Variants in FANCA observed in about 807,000 individuals in gnomAD.
FANCA encodes FA complementation group A, also known as Fanconi anemia group A protein.
A neutral mutation model predicts 194.3 loss-of-function variants in FANCA; 236 were observed. The observed-to-expected ratio is 1.21, with a 90% CI of 1.09 to 1.35. The LOEUF is 1.35. Ranked by LOEUF, FANCA falls within the 40% of genes most tolerant of loss-of-function variation. FANCA has a pLI of 0.00. For synonymous variants in FANCA, 1,014 were observed against 715.8 expected (o/e 1.42, Z -6.65); for missense variants, 2,628 against 1,813.9 (o/e 1.45, Z -8.15).
In FANCA at chr16:89,796,687, C is replaced by A. The variant is rs529606939; in HGVS notation, c.894-669G>T. On this transcript the variant is annotated intron_variant, in intron 10 of 42. Coordinates refer to ENST00000389301, the MANE Select transcript of FANCA (RefSeq NM_000135.4). The stretch of plus-strand genomic sequence containing the variant: ...ACCCTCTCGTGAGGCTTACAACCTG[C>A]AACCAGCAAGCGGCACTTTATGCCG... Among the ~76,000 whole-genome samples, 8 of 152,294 alleles carry A rather than the reference C, an allele frequency of 5.3e-5. No individual in the cohort carries two copies. In the South Asian group the frequency reaches 1.7e-3, roughly 32 times the overall value.
chr16:89,779,819 G>T (rs372049585), intron 18 of FANCA, 50 bp downstream of exon 18: 2 of 1,485,356 alleles, frequency 1.3e-6, no homozygotes, highest in Non-Finnish European at 1.9e-6. Context: ...ATCAGAGCGC[G>T]GTCTGCACAC....
intron 11 of FANCA, among the ~76,000 whole-genome samples, chr16:89,793,037 G>A (rs1003580639): frequency 6.6e-6 from 1 of 152,344 alleles, no homozygotes; most frequent in Admixed American, 6.5e-5. Flanking sequence ...TGGACTAGGA[G>A]CGTGACCACT....
intron 15 of FANCA, among the ~76,000 whole-genome samples, chr16:89,784,456 A>T (rs1005816307): frequency 2.7e-5 from 4 of 150,926 alleles, no homozygotes; most frequent in African/African-American, 9.7e-5. Flanking sequence ...ATGAGATCCT[A>T]AAACCCTCAC....
intron 2 of FANCA, 149 bp downstream of exon 2, chr16:89,815,728 G>T (rs2041086702): frequency 5.5e-6 from 4 of 722,286 alleles, no homozygotes; most frequent in Non-Finnish European, 1.0e-5. Flanking sequence ...GGTTGGTCCA[G>T]AACTCCCGGG....
chr16:89,749,224 T>G (rs1364839676), intron 32 of FANCA, among the ~76,000 whole-genome samples: 1 of 152,128 alleles, frequency 6.6e-6, no homozygotes, highest in Non-Finnish European at 1.5e-5. Flanking sequence ...GTTTTGTTGT[T>G]GTTGTTGAGA....
Position 89,758,593 on chromosome 16 carries a change from T to G in FANCA, c.2965A>C (p.Met989Leu), listed in dbSNP as rs1235143823. ...AACTILVNALMDFHQSSRSYD... is the reference protein window; with the variant it reads ...AACTILVNALLDFHQSSRSYD... ...GCTGCTAACCTTTGGTGGAAATCCA[T>G]CAGTGCGTTGACAAGAATGGTACAC... Residue 989 changes from methionine (M) to leucine (L), a missense_variant, in exon 30 of 43, where the codon ATG becomes CTG. Physicochemically the swap from Met to Leu is conservative, Grantham distance 15. Coordinates refer to ENST00000389301, the MANE Select transcript of FANCA (RefSeq NM_000135.4). 1 of 1,613,814 alleles carries G rather than the reference T, an allele frequency of 6.2e-7. No homozygotes were observed. The highest frequency in any genetic ancestry group is 8.5e-7 in the Non-Finnish European group (1 of 1,179,802).
rs35038462 is a variant in FANCA, at chr16:89,745,125, C to T, written c.3514-54G>A. On this transcript the variant is annotated intron_variant, in intron 35 of 42. Coordinates refer to ENST00000389301, the MANE Select transcript of FANCA (RefSeq NM_000135.4). ...AGGGTGGCTGAGATGGACACACCTC[C>T]GCTGCCCCAGCCATGACAAGCCCCC... 266 of 1,492,450 alleles carry T rather than the reference C, an allele frequency of 1.8e-4. 5 individuals are homozygous for T. Among genetic ancestry groups the T allele is most frequent in the East Asian group, 1.3e-3 (52 of 40,662 alleles). The allele number at this position is 1,492,450 out of a possible 1,614,324, so 92.5% of individuals were successfully genotyped here.
intron 8 of FANCA, among the ~76,000 whole-genome samples, chr16:89,803,032 A>G (rs534798848): frequency 6.6e-6 from 1 of 152,338 alleles, no homozygotes; most frequent in Non-Finnish European, 1.5e-5. Context: ...AAGTAACTGC[A>G]ACATGTGAAA....
At chr16:89,781,344 A>AG (rs1443039348) in intron 17 of FANCA, among the ~76,000 whole-genome samples, 1 of 141,688 alleles carries the variant, frequency 7.1e-6, no homozygotes, top group African/African-American at 2.7e-5. Flanking sequence ...AGCCTGGGCA[A>AG]TAGAACGAGA....
rs780078944 is a variant in FANCA at position 89,774,729 on chromosome 16, CAAAAAAAAA to C, written c.1900+1004_1900+1012del. On this transcript the variant is annotated intron_variant, in intron 21 of 42. Transcript: ENST00000389301. ...TGGGCAACAGAGCGAGACTCTGTCTCAAAAAAAAAAAAAAAAAAAAAAAAATCTCAACGA... is the reference window on the plus strand; with the variant it reads ...TGGGCAACAGAGCGAGACTCTGTCTCAAAAAAAAAAAAAAAATCTCAACGA... Among the ~76,000 whole-genome samples the C allele has an allele frequency of 7.7e-4, 17 of 22,196 alleles. 1 individual carries two copies. Among genetic ancestry groups the C allele is most frequent in the Admixed American group, 4.9e-3 (6 of 1,216 alleles). 14.6% of individuals were successfully genotyped at this position (22,196 alleles called of 152,430 possible). A position where few individuals can be genotyped will look rare whatever the true frequency, so the allele number is the denominator to read the frequency against.
intron 17 of FANCA, among the ~76,000 whole-genome samples, chr16:89,780,874 G>A (rs2039676497): frequency 6.7e-6 from 1 of 148,314 alleles, no homozygotes; most frequent in Non-Finnish European, 1.5e-5. Flanking sequence ...AGGCTGCACT[G>A]AACTGTGATC....
At position 89,791,535 on chromosome 16, in the gene FANCA, G is replaced by C. The variant is rs139944072; in HGVS notation, c.1227C>G (p.Asp409Glu). The part of the protein sequence containing the change: ...CFPEAQQLLE[D>E]WVARLMAQAF... The stretch of plus-strand genomic sequence containing the variant: ...CCTGGGCCATCAAACGCGCCACCCA[G>C]TCTAGTTAAGAACCATGACATAGTC... The change falls in exon 14 of 43, where the codon GAC (aspartate) becomes GAG (glutamate). Residue 409 changes from aspartate to glutamate, a missense_variant and splice_region_variant. Asp to Glu is a conservative substitution (Grantham distance 45, BLOSUM62 2). Transcript: ENST00000389301. The C allele has an allele frequency of 3.1e-6, 5 of 1,613,936 alleles. No individual in the cohort carries two copies. In the African/African-American group the frequency reaches 6.7e-5, roughly 22 times the overall value.
chr16:89,759,249 G>T (rs564630576), intron 29 of FANCA, among the ~76,000 whole-genome samples: 1 of 148,514 alleles, frequency 6.7e-6, no homozygotes, highest in South Asian at 2.1e-4. Context: ...GAACCTGGGA[G>T]GTGGAGCTTG....
intron 31 of FANCA, among the ~76,000 whole-genome samples, chr16:89,750,432 C>G (rs1433014421): frequency 1.4e-5 from 2 of 143,834 alleles, no homozygotes; most frequent in South Asian, 4.5e-4. Context: ...GCAGTGAGCC[C>G]AGATCGCACC....
At chr16:89,764,805 ACG>A in intron 28 of FANCA, 83 bp downstream of exon 28, 1 of 1,481,604 alleles carries the variant, frequency 6.7e-7, no homozygotes, top group Non-Finnish European at 9.4e-7. Context: ...ACGGTCACCT[ACG>A]TGCTGCTGTT....
Position 89,770,549 on chromosome 16 carries a change from TG to T in FANCA, c.2222+14del, listed in dbSNP as rs1423390984. 10 of 1,596,022 alleles carry T rather than the reference TG, an allele frequency of 6.3e-6. No individual in the cohort carries two copies. In the African/African-American group the frequency reaches 6.7e-5, roughly 11 times the overall value. ...AGAGGAGCCCCACCACTCAGGGAGC[TG>T]CCCGCGCCTTCACCTCTCCGGGGGA... On this transcript the variant is annotated intron_variant, in intron 24 of 42. Transcript: ENST00000389301.
chr16:89,748,109 G>C (rs1295851064), intron 33 of FANCA, among the ~76,000 whole-genome samples: 1 of 152,140 alleles, frequency 6.6e-6, no homozygotes, highest in Non-Finnish European at 1.5e-5. Flanking sequence ...ACAGGGTTTT[G>C]TCATGTTGCC....
chr16:89,766,557 A>G (rs922331748), intron 27 of FANCA, among the ~76,000 whole-genome samples: 6 of 151,854 alleles, frequency 4.0e-5, no homozygotes, highest in African/African-American at 1.4e-4. Context: ...TAAAAAACAT[A>G]CAAAACAATT....
intron 29 of FANCA, among the ~76,000 whole-genome samples, chr16:89,760,264 G>A (rs528308781): frequency 5.9e-5 from 9 of 152,344 alleles, no homozygotes; most frequent in Middle Eastern, 3.4e-3. Flanking sequence ...CCTGCAGAGC[G>A]GGCTTGGCAC....
Sources: allele counts gnomAD v4.1 joint callset (sites outside exome capture counted in the v4.1 genomes callset), GRCh38; gene constraint gnomAD v4.1.1; transcripts MANE v1.5; gene names NCBI Gene and HGNC (gene_info 2026-07-23, HGNC 2026-07-21).